Variants in RGS20 observed in about 807,000 individuals in gnomAD.
The protein encoded by RGS20 is regulator of G protein signaling 20.
In RGS20, 30 loss-of-function variants were observed where a neutral mutation model predicts 33.6. That is an observed-to-expected ratio of 0.89 (90% confidence interval 0.67 to 1.21). The LOEUF (loss-of-function observed/expected upper bound fraction) is 1.21, where lower values mean the gene tolerates loss of function less well. Ranked by LOEUF, RGS20 falls within the 50% of genes most tolerant of loss-of-function variation. The pLI is 0.00. For synonymous variants in RGS20, 208 were observed against 197.9 expected (o/e 1.05, Z -0.43); for missense variants, 472 against 502.4 (o/e 0.94, Z 0.58).
chr8:53,891,179 A>C (rs1193135259), intron 2 of RGS20, among the ~76,000 whole-genome samples: 3 of 152,226 alleles, frequency 2.0e-5, no homozygotes, highest in Non-Finnish European at 4.4e-5. Context: ...TCAGGAAAAA[A>C]ACAGCTAGTG....
intron 1 of RGS20, among the ~76,000 whole-genome samples, chr8:53,869,670 A>T (rs1025274267): frequency 2.6e-5 from 4 of 152,096 alleles, no homozygotes; most frequent in African/African-American, 9.7e-5. Context: ...CACAAGAGAG[A>T]CTCAGTCTCA....
rs986499155 is a variant in RGS20 at position 53,878,000 on chromosome 8, G to A, written c.166-1258G>A. On this transcript the variant is annotated intron_variant, in intron 1 of 5. Coordinates refer to ENST00000297313, the MANE Select transcript of RGS20 (RefSeq NM_170587.4). This position sits in a 1 kb window ranked among gnomAD's most constrained non-coding sequence, Gnocchi z 5.7. ...CGCTCGCGACCGCTCCCGCCTTCAG[G>A]ACCCTGGAGAGCGGCCGCCGCGCCC... Among the ~76,000 whole-genome samples the A allele has an allele frequency of 6.6e-6, 1 of 152,146 alleles. No individual in the cohort carries two copies. The highest frequency in any genetic ancestry group is 1.5e-5 in the Non-Finnish European group (1 of 68,026).
intron 3 of RGS20, among the ~76,000 whole-genome samples, chr8:53,945,856 C>CA (rs1814458889): frequency 6.6e-6 from 1 of 150,760 alleles, no homozygotes; most frequent in Non-Finnish European, 1.5e-5. Flanking sequence ...CACAGCACTG[C>CA]AGCCTGGGCA....
At chr8:53,901,184 C>T (rs987181135) in intron 2 of RGS20, among the ~76,000 whole-genome samples, 1 of 151,060 alleles carries the variant, frequency 6.6e-6, no homozygotes, top group Non-Finnish European at 1.5e-5. Context: ...TCTCCTGCTT[C>T]AGCCTCCCGA....
At chr8:53,882,832 G>A (rs1645480524) in intron 2 of RGS20, among the ~76,000 whole-genome samples, 1 of 152,106 alleles carries the variant, frequency 6.6e-6, no homozygotes, top group African/African-American at 2.4e-5. Context: ...CCCGGAGTGT[G>A]GGGAGGAAGG....
intron 2 of RGS20, among the ~76,000 whole-genome samples, chr8:53,882,071 C>G (rs946651002): frequency 1.3e-5 from 2 of 151,888 alleles, no homozygotes; most frequent in Non-Finnish European, 1.5e-5. Context: ...GCTTTCCCGT[C>G]TCTGTGTGCG....
chr8:53,901,425 T>C (rs1193326645), intron 2 of RGS20, among the ~76,000 whole-genome samples: 1 of 152,208 alleles, frequency 6.6e-6, no homozygotes, highest in East Asian at 1.9e-4. Flanking sequence ...CTGGCTAGTC[T>C]TTGAGAACAT....
chr8:53,881,129 C>T (rs1179209419), intron 2 of RGS20, 45 bp downstream of exon 1: 9 of 1,393,226 alleles, frequency 6.5e-6, no homozygotes, highest in African/African-American at 5.9e-5. Context: ...GTCTCGGGCT[C>T]GCCCTGAGGC....
At chr8:53,894,489 G>A (rs1037368182) in intron 2 of RGS20, among the ~76,000 whole-genome samples, 18 of 152,166 alleles carry the variant, frequency 1.2e-4, no homozygotes, top group Non-Finnish European at 1.3e-4. Flanking sequence ...GTGGGACAAC[G>A]TAATGCCCTG....
intron 2 of RGS20, among the ~76,000 whole-genome samples, chr8:53,908,123 A>G (rs1408247270): frequency 6.6e-6 from 1 of 152,240 alleles, no homozygotes; most frequent in Non-Finnish European, 1.5e-5. Context: ...GCATATGCAT[A>G]TGGAACAAAA....
intron 2 of RGS20, among the ~76,000 whole-genome samples, chr8:53,885,460 A>C (rs1812514543): frequency 6.6e-6 from 1 of 152,132 alleles, no homozygotes; most frequent in Non-Finnish European, 1.5e-5. Context: ...AAAAAATACA[A>C]AAAATTAGCT....
At chr8:53,913,123 G>A (rs141246844) in intron 2 of RGS20, among the ~76,000 whole-genome samples, 17 of 151,992 alleles carry the variant, frequency 1.1e-4, no homozygotes, top group African/African-American at 4.1e-4. Context: ...CTGCCACCAC[G>A]CCTGGCTAAT....
At chr8:53,950,519 C>T (rs1468628452) in intron 4 of RGS20, among the ~76,000 whole-genome samples, 2 of 151,736 alleles carry the variant, frequency 1.3e-5, no homozygotes, top group African/African-American at 4.8e-5. Flanking sequence ...GATTTTGGAG[C>T]AATATGGATT....
At chr8:53,875,249 T>C (rs989525179) in intron 1 of RGS20, among the ~76,000 whole-genome samples, 3 of 151,810 alleles carry the variant, frequency 2.0e-5, no homozygotes, top group Non-Finnish European at 4.4e-5. Context: ...CTGGCCAACA[T>C]GGTGAAACCC....
chr8:53,915,387 A>G (rs1356345822), intron 2 of RGS20, among the ~76,000 whole-genome samples: 1 of 151,164 alleles, frequency 6.6e-6, no homozygotes, highest in African/African-American at 2.5e-5. Flanking sequence ...TTTTTCTTCT[A>G]CAGGGATCTC....
chr8:53,860,639 C>A (rs1203602239), intron 1 of RGS20, among the ~76,000 whole-genome samples: 1 of 152,184 alleles, frequency 6.6e-6, no homozygotes, highest in African/African-American at 2.4e-5. Context: ...GAGAGAGGAT[C>A]TGGCCCAGTA....
chr8:53,870,729 G>T (rs1425780360), intron 1 of RGS20, among the ~76,000 whole-genome samples: 1 of 152,082 alleles, frequency 6.6e-6, no homozygotes, highest in Non-Finnish European at 1.5e-5. Context: ...GTGGACTGAT[G>T]ATTCCACTCA....
At chr8:53,870,262 T>TAC (rs112678663) in intron 1 of RGS20, among the ~76,000 whole-genome samples, 2,118 of 150,052 alleles carry the variant, frequency 0.014, 22 homozygotes, top group East Asian at 0.033. Context: ...GATATGTGTG[T>TAC]ACACACACAC....
In RGS20 at chr8:53,931,260, T is replaced by C. The variant is rs151056053; in HGVS notation, c.511-8316T>C. Among the ~76,000 whole-genome samples, 877 of 152,222 alleles carry C rather than the reference T, an allele frequency of 5.8e-3. 14 individuals are homozygous for C. Among genetic ancestry groups the C allele is most frequent in the African/African-American group, 0.02 (825 of 41,544 alleles). Reference sequence around the variant, plus strand: ...CTTTCTTGTGGTCCTGAAACTTACATGCAAGACTAATTAAGGCCAGGTGCA... The same window carrying C: ...CTTTCTTGTGGTCCTGAAACTTACACGCAAGACTAATTAAGGCCAGGTGCA... On this transcript the variant is annotated intron_variant, in intron 2 of 5. Transcript: ENST00000297313.
Sources: gnomAD v4.1 joint callset for allele counts (sites outside exome capture counted in the v4.1 genomes callset) on GRCh38, gnomAD v4.1.1 for gene constraint, Gnocchi (gnomAD v3.1) non-coding constraint, MANE v1.5 for transcripts, NCBI Gene and HGNC (gene_info 2026-07-23, HGNC 2026-07-21) for gene names.